The following NARS2 variants were observed in gnomAD, a reference collection of about 807,000 sequenced individuals.
The protein encoded by NARS2 is asparaginyl-tRNA synthetase.
In NARS2, 60 loss-of-function variants were observed where a neutral mutation model predicts 62.9. That is an observed-to-expected ratio of 0.95 (90% CI 0.77 to 1.18). The LOEUF (loss-of-function observed/expected upper bound fraction) is 1.18. Among genes scored for constraint, NARS2 ranks in the 50% most tolerant of loss-of-function variants. The pLI, the probability that NARS2 is intolerant of heterozygous loss-of-function variation, is 0.00. For synonymous variants in NARS2, 196 were observed against 200.0 expected (o/e 0.98, Z 0.17); for missense variants, 619 against 576.4 (o/e 1.07, Z -0.76).
At chr11:78,559,689 T>C (rs1354664846) in intron 4 of NARS2, 70 bp from the exon 5 acceptor site, 12 of 1,056,536 alleles carry the variant, frequency 1.1e-5, no homozygotes, top group South Asian at 7.7e-5. Flanking sequence ...CATCCTCTTA[T>C]AGTATTAAAA....
chr11:78,509,129 A>G (rs1210552608), intron 6 of NARS2, among the ~76,000 whole-genome samples: 1 of 151,786 alleles, frequency 6.6e-6, no homozygotes, highest in African/African-American at 2.4e-5. Context: ...AAAAAAAAAA[A>G]GATTATCAAC....
intron 11 of NARS2, among the ~76,000 whole-genome samples, chr11:78,447,634 GTA>G (rs139620050): frequency 6.6e-6 from 1 of 151,984 alleles, no homozygotes; most frequent in Non-Finnish European, 1.5e-5. Flanking sequence ...CAAATATTGT[GTA>G]TATATATACA....
At chr11:78,538,994 CAAAAAAAAAAAAAAAA>C (rs59917269) in intron 5 of NARS2, among the ~76,000 whole-genome samples, 1 of 49,764 alleles carries the variant, frequency 2.0e-5, no homozygotes, top group Non-Finnish European at 3.1e-5. Context: ...GAATCCGTCT[CAAAAAAAAAAAAAAAA>C]AAAAAAAAAA....
At chr11:78,550,718 A>G (rs906109303) in intron 5 of NARS2, among the ~76,000 whole-genome samples, 1 of 152,254 alleles carries the variant, frequency 6.6e-6, no homozygotes, top group African/African-American at 2.4e-5. Flanking sequence ...GGTTTACAAC[A>G]TGACCCAGAA....
At chr11:78,464,031 T>C (rs540251523) in intron 11 of NARS2, among the ~76,000 whole-genome samples, 1 of 152,288 alleles carries the variant, frequency 6.6e-6, no homozygotes, top group Admixed American at 6.5e-5. Context: ...GTTACAGTTC[T>C]TAAAGGCGGC....
chr11:78,527,782 GA>G (rs1861342902), intron 6 of NARS2, among the ~76,000 whole-genome samples: 1 of 152,024 alleles, frequency 6.6e-6, no homozygotes, highest in Non-Finnish European at 1.5e-5. Flanking sequence ...GATACATAAA[GA>G]AAACTCAGTA....
intron 6 of NARS2, among the ~76,000 whole-genome samples, chr11:78,500,152 T>A (rs147447281): frequency 6.6e-6 from 1 of 152,342 alleles, no homozygotes; most frequent in African/African-American, 2.4e-5. Flanking sequence ...AACAATTTCC[T>A]GGACTCAAGT....
chr11:78,565,680 A>G (rs1856719037), intron 4 of NARS2, among the ~76,000 whole-genome samples: 1 of 152,188 alleles, frequency 6.6e-6, no homozygotes, highest in African/African-American at 2.4e-5. Flanking sequence ...AATGCTAGGG[A>G]AAGAACCATC....
intron 5 of NARS2, among the ~76,000 whole-genome samples, chr11:78,544,899 G>C (rs1855795297): frequency 6.6e-6 from 1 of 150,958 alleles, no homozygotes; most frequent in African/African-American, 2.4e-5. Context: ...AGAATTGCTT[G>C]AACACGGGAG....
intron 9 of NARS2, among the ~76,000 whole-genome samples, chr11:78,471,297 A>G (rs1858861911): frequency 1.3e-5 from 2 of 152,172 alleles, no homozygotes; most frequent in Non-Finnish European, 2.9e-5. Flanking sequence ...CCAGAGTATA[A>G]GCTTTTAACG....
chr11:78,556,363 T>C (rs756183929), intron 5 of NARS2, among the ~76,000 whole-genome samples: 15 of 152,188 alleles, frequency 9.9e-5, no homozygotes, highest in Non-Finnish European at 2.1e-4. Flanking sequence ...TTCCACCTTA[T>C]TTCCCATCAA....
At chr11:78,528,704 G>T in intron 6 of NARS2, 138 bp downstream of exon 6, 1 of 621,632 alleles carries the variant, frequency 1.6e-6, no homozygotes, top group Non-Finnish European at 2.8e-6. Flanking sequence ...CTACAAGTAA[G>T]AAGCTTAAAT....
intron 12 of NARS2, among the ~76,000 whole-genome samples, chr11:78,442,073 C>T (rs570520286): frequency 6.6e-5 from 10 of 152,224 alleles, no homozygotes; most frequent in East Asian, 3.9e-4. Flanking sequence ...CACTTCATTA[C>T]GAAAGACAGA....
chr11:78,525,218 A>T (rs145764742), intron 6 of NARS2, among the ~76,000 whole-genome samples: 9 of 152,142 alleles, frequency 5.9e-5, no homozygotes, highest in Admixed American at 5.9e-4. Context: ...TGGTGAACGT[A>T]TGTCATCTGT....
At chr11:78,536,466 T>C (rs1590827971) in intron 5 of NARS2, among the ~76,000 whole-genome samples, 1 of 152,202 alleles carries the variant, frequency 6.6e-6, no homozygotes, top group African/African-American at 2.4e-5. Flanking sequence ...ATTCCACCTC[T>C]GTATTAATGA....
At chr11:78,520,263 G>A (rs1011734512) in intron 6 of NARS2, among the ~76,000 whole-genome samples, 1 of 152,078 alleles carries the variant, frequency 6.6e-6, no homozygotes, top group South Asian at 2.1e-4. Flanking sequence ...ATCCTTCCTT[G>A]CCTCTTCCTA....
chr11:78,548,113 G>A (rs1855949551), intron 5 of NARS2, among the ~76,000 whole-genome samples: 1 of 152,172 alleles, frequency 6.6e-6, no homozygotes, highest in African/African-American at 2.4e-5. Flanking sequence ...TACACAGGAG[G>A]CTGAGGTGGG....
rs59664343 is a variant in NARS2 at position 78,461,602 on chromosome 11, T to TAAAAAAAAAAAAAAAAAAAAA, written c.1164+4253_1164+4273dup. Among the ~76,000 whole-genome samples the TAAAAAAAAAAAAAAAAAAAAA allele has an allele frequency of 6.2e-5, 4 of 64,074 alleles. 1 individual carries two copies. The highest frequency in any genetic ancestry group is 2.4e-4 in the African/African-American group (4 of 16,412). 42.0% of individuals were successfully genotyped at this position (64,074 alleles called of 152,430 possible). A position where few individuals can be genotyped will look rare whatever the true frequency, so the allele number is the denominator to read the frequency against. On this transcript the variant is annotated intron_variant, in intron 11 of 13. Transcript: ENST00000281038. Reference sequence around the variant, plus strand: ...GAATGAGTGGGAGATGCTGTGCTGGTAAAAAAAAAAAAAAAAAAAAAAAAA... The same window carrying TAAAAAAAAAAAAAAAAAAAAA: ...GAATGAGTGGGAGATGCTGTGCTGGTAAAAAAAAAAAAAAAAAAAAAAAAAAAAAAAAAAAAAAAAAAAAAA...
chr11:78,451,809 CT>C (rs1266299932), intron 11 of NARS2, among the ~76,000 whole-genome samples: 6 of 152,180 alleles, frequency 3.9e-5, no homozygotes, highest in Non-Finnish European at 7.3e-5. Flanking sequence ...TATTGATTGT[CT>C]ACTAATGGCT....
Sources: allele counts gnomAD v4.1 joint callset (sites outside exome capture counted in the v4.1 genomes callset), GRCh38; gene constraint gnomAD v4.1.1; transcripts MANE v1.5; gene names NCBI Gene and HGNC (gene_info 2026-07-23, HGNC 2026-07-21).